Variants in WNT2B observed in about 807,000 individuals in gnomAD.
WNT2B encodes protein Wnt-2b.
In WNT2B, 19 loss-of-function variants were observed where a neutral mutation model predicts 40.5. The observed-to-expected ratio is 0.47, with a 90% CI of 0.33 to 0.69. WNT2B has a LOEUF of 0.69. Among genes scored for constraint, WNT2B ranks in the 30% least tolerant of loss-of-function variants. The pLI is 0.02. For missense variants in WNT2B, 467 were observed against 556.4 expected (o/e 0.84, Z 1.62); for synonymous variants, 220 against 211.9 (o/e 1.04, Z -0.33).
rs1028706375 is a variant in WNT2B at position 112,524,655 on chromosome 1, G to C, written c.*4146G>C. ...CCACTTGGGAACTGCCTGCTACTAC[G>C]GGGGTTGGGCATCTTTGAAGCAATG... On this transcript the variant is annotated 3_prime_UTR_variant, in exon 5 of 5. Coordinates refer to ENST00000369684, the MANE Select transcript of WNT2B (RefSeq NM_024494.3). 6.6e-6 allele frequency: 1 copy of C among 152,536 alleles called. No homozygotes were observed. Among genetic ancestry groups the C allele is most frequent in the Non-Finnish European group, 1.5e-5 (1 of 68,068 alleles). 9.4% of individuals were successfully genotyped at this position (152,536 alleles called of 1,614,324 possible).
chr1:112,482,916 C>T (rs904453228), intron 1 of WNT2B, among the ~76,000 whole-genome samples: 1 of 152,142 alleles, frequency 6.6e-6, no homozygotes, highest in Non-Finnish European at 1.5e-5. Flanking sequence ...CAATGGTATT[C>T]TTTACAGAAA....
intron 1 of WNT2B, chr1:112,491,061 G>A (rs1261981034): frequency 9.9e-6 from 16 of 1,613,880 alleles, no homozygotes; most frequent in African/African-American, 6.7e-5. Flanking sequence ...CACAGTCAGC[G>A]TTCAACAAGT....
In WNT2B at chr1:112,521,257, T is replaced by C. The variant is rs985369456; in HGVS notation, c.*748T>C. 2.0e-5 allele frequency: 3 copies of C among 151,620 alleles called. No individual in the cohort carries two copies. Among genetic ancestry groups the C allele is most frequent in the Admixed American group, 2.0e-4 (3 of 15,200 alleles). The allele number at this position is 151,620 out of a possible 1,614,324, so 9.4% of individuals were successfully genotyped here. ...TGCTTAACAAATCATTAAAACACCC[T>C]AGAACACTCCTAGGATAGATTAATG... On this transcript the variant is annotated 3_prime_UTR_variant, in exon 5 of 5. Coordinates refer to ENST00000369684, the MANE Select transcript of WNT2B (RefSeq NM_024494.3).
chr1:112,504,173 G>A (rs1557916930), upstream of WNT2B, among the ~76,000 whole-genome samples: 1 of 152,296 alleles, frequency 6.6e-6, no homozygotes, highest in East Asian at 1.9e-4. Flanking sequence ...CACCCGCCCG[G>A]AATGGCCGTC....
chr1:112,510,447 G>A (rs1202968037), intron 1 of WNT2B, among the ~76,000 whole-genome samples: 1 of 152,010 alleles, frequency 6.6e-6, no homozygotes, highest in Non-Finnish European at 1.5e-5. Context: ...CTCTCCACCA[G>A]GCAGTGCCTC....
At chr1:112,500,340 A>G (rs1199107161) in intron 1 of WNT2B, among the ~76,000 whole-genome samples, 1 of 152,212 alleles carries the variant, frequency 6.6e-6, no homozygotes, top group Admixed American at 6.5e-5. Flanking sequence ...CACTCTTTTC[A>G]TGCTTTTTGT....
Position 112,509,135 on chromosome 1 carries a change from C to T in WNT2B, c.-128C>T. On this transcript the variant is annotated 5_prime_UTR_variant, in exon 1 of 5. Coordinates refer to ENST00000369684, the MANE Select transcript of WNT2B (RefSeq NM_024494.3). The surrounding 1 kb of genome is among the most constrained non-coding windows in gnomAD (Gnocchi z 4.2). ...TCCCGGGCTCTGGACCCCAGGTGAT[C>T]CTAGGTCCCCAGCCGCCGGCGAACA... is the stretch of plus-strand genomic sequence containing the variant. The T allele has an allele frequency of 7.3e-7, 1 of 1,376,336 alleles. No individual in the cohort carries two copies. Among genetic ancestry groups the T allele is most frequent in the Non-Finnish European group, 9.3e-7 (1 of 1,073,816 alleles). 85.3% of individuals were successfully genotyped at this position (1,376,336 alleles called of 1,614,324 possible).
In WNT2B at chr1:112,509,457, C is replaced by G; in HGVS notation, c.182+13C>G. Reference sequence around the variant, plus strand: ...ACACGTCCTGGTGGTAAGTGTGGCTCTCAGGCTGGGCGGGTGAGGCGCTTG... The same window carrying G: ...ACACGTCCTGGTGGTAAGTGTGGCTGTCAGGCTGGGCGGGTGAGGCGCTTG... On this transcript the variant is annotated intron_variant, in intron 1 of 4. Transcript: ENST00000369684. The surrounding 1 kb of genome is among the most constrained non-coding windows in gnomAD (Gnocchi z 4.2). 1 of 1,566,258 alleles carries G rather than the reference C, an allele frequency of 6.4e-7. No individual in the cohort carries two copies. The highest frequency in any genetic ancestry group is 8.6e-7 in the Non-Finnish European group (1 of 1,167,608).
rs537935476 is a variant in WNT2B at position 112,525,346 on chromosome 1, T to A, written c.*4837T>A. 6.6e-6 allele frequency: 1 copy of A among 152,368 alleles called. No individual in the cohort carries two copies. The highest frequency in any genetic ancestry group is 2.4e-5 in the African/African-American group (1 of 41,568). 9.4% of individuals were successfully genotyped at this position (152,368 alleles called of 1,614,324 possible). On this transcript the variant is annotated 3_prime_UTR_variant, in exon 5 of 5. Coordinates refer to ENST00000369684, the MANE Select transcript of WNT2B (RefSeq NM_024494.3). ...ACAGTTGCTACAGTGAATTGAGCTT[T>A]CTCAGAAGCTATTATTTTCTTTGGG...
chr1:112,528,256 G>C lies in WNT2B; in HGVS notation c.*7747G>C, dbSNP rs576223826. On this transcript the variant is annotated 3_prime_UTR_variant, in exon 5 of 5. Coordinates refer to ENST00000369684, the MANE Select transcript of WNT2B (RefSeq NM_024494.3). ...GGTATGTGCTGAAACTTAGAAGCAG[G>C]AATGTACAAGCAATATATAAGGAAT... 2 of 152,272 alleles carry C rather than the reference G, an allele frequency of 1.3e-5. No homozygotes were observed. The highest frequency in any genetic ancestry group is 6.5e-5 in the Admixed American group (1 of 15,294). 9.4% of individuals were successfully genotyped at this position (152,272 alleles called of 1,614,324 possible).
rs768583451 is a variant in WNT2B, at chr1:112,517,377, A to AG, written c.940dup (p.Ala314GlyfsTer23). ...TCTCCAGATTACTGTGTCTTGGACA[A>AG]GGCTGCAGGTGAGTAAGGAAGGCAG... On this transcript the variant is annotated frameshift_variant, in exon 4 of 5. Coordinates refer to ENST00000369684, the MANE Select transcript of WNT2B (RefSeq NM_024494.3). LOFTEE classifies it high-confidence loss of function. 2 of 1,602,340 alleles carry AG rather than the reference A, an allele frequency of 1.2e-6. No individual in the cohort carries two copies. Among genetic ancestry groups the AG allele is most frequent in the Non-Finnish European group, 1.7e-6 (2 of 1,170,452 alleles).
chr1:112,506,759 C>T (rs1291023342), upstream of WNT2B, among the ~76,000 whole-genome samples: 4 of 152,320 alleles, frequency 2.6e-5, no homozygotes, highest in Non-Finnish European at 5.9e-5. Context: ...GGAGCCCACC[C>T]GACAAAAAGA....
chr1:112,490,651 G>A (rs192928396), intron 1 of WNT2B, among the ~76,000 whole-genome samples: 46 of 151,942 alleles, frequency 3.0e-4, no homozygotes, highest in Non-Finnish European at 5.7e-4. Context: ...CACCACACCC[G>A]GCTAATTTTT....
intron 1 of WNT2B, among the ~76,000 whole-genome samples, chr1:112,471,912 G>T (rs1650891745): frequency 6.6e-6 from 1 of 152,184 alleles, no homozygotes; most frequent in South Asian, 2.1e-4. Flanking sequence ...GGTCAGTGAT[G>T]CAGTGTACAT....
chr1:112,490,578 C>T (rs1252942365), intron 1 of WNT2B, among the ~76,000 whole-genome samples: 1 of 151,924 alleles, frequency 6.6e-6, no homozygotes, highest in Non-Finnish European at 1.5e-5. Flanking sequence ...CAAGCTCCGC[C>T]TCCCGGGTTC....
chr1:112,468,984 T>TA (rs1650790178), intron 1 of WNT2B, among the ~76,000 whole-genome samples: 1 of 152,228 alleles, frequency 6.6e-6, no homozygotes, highest in Non-Finnish European at 1.5e-5. Flanking sequence ...CTTCTGTATA[T>TA]AGTGAAAGAT....
chr1:112,520,688 A>C lies in WNT2B; in HGVS notation c.*179A>C, dbSNP rs562464646. 4.6e-6 allele frequency: 3 copies of C among 658,192 alleles called. No homozygotes were observed. Among genetic ancestry groups the C allele is most frequent in the Non-Finnish European group, 7.8e-6 (3 of 386,532 alleles). 40.8% of individuals were successfully genotyped at this position (658,192 alleles called of 1,614,324 possible). The stretch of plus-strand genomic sequence containing the variant: ...GGCTGGTTCCTTAGCCCTGGGAAGG[A>C]GTTGTCAGGGGATATAAGAAACTGA... On this transcript the variant is annotated 3_prime_UTR_variant, in exon 5 of 5. Transcript: ENST00000369684.
upstream of WNT2B, among the ~76,000 whole-genome samples, chr1:112,505,058 A>G (rs554400587): frequency 1.3e-5 from 2 of 152,378 alleles, no homozygotes; most frequent in African/African-American, 2.4e-5. Flanking sequence ...AGAGCAGAGC[A>G]TAAGGTGACA....
chr1:112,514,660 A>G (rs1277330362), intron 1 of WNT2B: 1 of 590,710 alleles, frequency 1.7e-6, no homozygotes, highest in Non-Finnish European at 3.0e-6. Context: ...TGATGGTGGG[A>G]GGCCACTCAA....
Sources: gnomAD v4.1 joint callset for allele counts (sites outside exome capture counted in the v4.1 genomes callset) on GRCh38, gnomAD v4.1.1 for gene constraint, Gnocchi (gnomAD v3.1) non-coding constraint, MANE v1.5 for transcripts, NCBI Gene and HGNC (gene_info 2026-07-23, HGNC 2026-07-21) for gene names.